PRKACB: variants seen among roughly 807,000 people sequenced by gnomAD.
PRKACB encodes protein kinase cAMP-activated catalytic subunit beta.
PRKACB carries 16 observed loss-of-function variants against 51.4 expected under a neutral mutation model. The ratio of observed to expected loss-of-function variants is 0.31; its 90% CI spans 0.21 to 0.47. PRKACB has a LOEUF of 0.47. Ranked by LOEUF, PRKACB falls within the 20% of genes least tolerant of loss-of-function variation. The pLI is 1.00. For synonymous variants in PRKACB, 147 were observed against 154.4 expected (o/e 0.95, Z 0.35); for missense variants, 309 against 464.5 (o/e 0.67, Z 3.08).
At chr1:84,157,257 A>G (rs999880682) in intron 1 of PRKACB, 1 of 152,164 alleles carries the variant, frequency 6.6e-6, no homozygotes, top group Non-Finnish European at 1.5e-5. Flanking sequence ...TTGTTAGATC[A>G]TTCCCCTGAG....
chr1:84,218,887 A>G (rs1348210309), intron 9 of PRKACB, among the ~76,000 whole-genome samples: 4 of 152,056 alleles, frequency 2.6e-5, no homozygotes, highest in African/African-American at 4.8e-5. Context: ...TTCCCTGATG[A>G]TTAATGGTGT....
At chr1:84,153,924 T>C (rs1445937267) in intron 1 of PRKACB, among the ~76,000 whole-genome samples, 1 of 152,202 alleles carries the variant, frequency 6.6e-6, no homozygotes, top group Non-Finnish European at 1.5e-5. Flanking sequence ...AGTTCATTTT[T>C]AATTTTTTGA....
At chr1:84,189,231 A>AGT (rs1200439430) in intron 5 of PRKACB, among the ~76,000 whole-genome samples, 2 of 151,832 alleles carry the variant, frequency 1.3e-5, no homozygotes, top group African/African-American at 4.8e-5. Flanking sequence ...AGGGTTATTG[A>AGT]GTGTACACTG....
At chr1:84,130,282 G>A (rs1226096516) in intron 1 of PRKACB, among the ~76,000 whole-genome samples, 4 of 149,280 alleles carry the variant, frequency 2.7e-5, no homozygotes, top group Non-Finnish European at 3.0e-5. Context: ...AAAAATCAAT[G>A]AAATTCCATT....
intron 9 of PRKACB, among the ~76,000 whole-genome samples, chr1:84,234,857 G>A (rs1676477827): frequency 6.6e-6 from 1 of 152,170 alleles, no homozygotes. Context: ...AGATGGAAAT[G>A]CAGAAATCAC....
chr1:84,211,876 T>C (rs1249884931), intron 8 of PRKACB, among the ~76,000 whole-genome samples: 1 of 152,136 alleles, frequency 6.6e-6, no homozygotes, highest in Non-Finnish European at 1.5e-5. Context: ...CTAGAGAAGG[T>C]AGAAGTTCAC....
At chr1:84,175,091 C>G in intron 1 of PRKACB, 1 of 1,393,232 alleles carries the variant, frequency 7.2e-7, no homozygotes, top group Non-Finnish European at 9.3e-7. Flanking sequence ...CAAATATTAC[C>G]TTTAAAATTT....
At chr1:84,154,058 C>A (rs113599963) in intron 1 of PRKACB, among the ~76,000 whole-genome samples, 1 of 152,032 alleles carries the variant, frequency 6.6e-6, no homozygotes, top group East Asian at 1.9e-4. Context: ...TTTATAATAG[C>A]CATTCTAACA....
chr1:84,173,260 G>A (rs1007296561), intron 1 of PRKACB: 96 of 1,257,198 alleles, frequency 7.6e-5, no homozygotes, highest in Non-Finnish European at 1.0e-4. Flanking sequence ...AACATGTATA[G>A]ATGGGTAACT....
chr1:84,108,966 C>G (rs554324990), intron 1 of PRKACB, among the ~76,000 whole-genome samples: 2 of 152,034 alleles, frequency 1.3e-5, no homozygotes, highest in African/African-American at 4.8e-5. Flanking sequence ...ATTACATTTG[C>G]CTCTTTTATA....
intron 1 of PRKACB, among the ~76,000 whole-genome samples, chr1:84,151,792 G>A (rs1301417608): frequency 6.6e-6 from 1 of 152,112 alleles, no homozygotes; most frequent in Non-Finnish European, 1.5e-5. Flanking sequence ...TAATTATCTT[G>A]TAATTTTTTA....
At chr1:84,190,674 C>T (rs534846273) in intron 5 of PRKACB, among the ~76,000 whole-genome samples, 73 of 152,156 alleles carry the variant, frequency 4.8e-4, no homozygotes, top group Non-Finnish European at 8.2e-4. Flanking sequence ...AACTCTCTGA[C>T]CAGGAAATCT....
intron 9 of PRKACB, among the ~76,000 whole-genome samples, chr1:84,222,089 T>C (rs1331059094): frequency 6.6e-6 from 1 of 152,174 alleles, no homozygotes; most frequent in Non-Finnish European, 1.5e-5. Flanking sequence ...AATATTTGCT[T>C]TCTATATCTG....
chr1:84,151,118 C>A (rs1654811453), intron 1 of PRKACB, among the ~76,000 whole-genome samples: 1 of 152,070 alleles, frequency 6.6e-6, no homozygotes. Context: ...TGTAGTCATA[C>A]CTCAGAGATA....
At chr1:84,078,975 C>G (rs553063946) in intron 1 of PRKACB, among the ~76,000 whole-genome samples, 1 of 152,322 alleles carries the variant, frequency 6.6e-6, no homozygotes, top group Admixed American at 6.5e-5. Flanking sequence ...TGCCTTTTCT[C>G]TAGACATTCA....
At chr1:84,202,076 A>T (rs1464539149) in intron 7 of PRKACB, among the ~76,000 whole-genome samples, 1 of 152,088 alleles carries the variant, frequency 6.6e-6, no homozygotes, top group African/African-American at 2.4e-5. Flanking sequence ...AAGACAGTAG[A>T]TAGCAGAAGT....
At chr1:84,145,858 T>C (rs1653982615) in intron 1 of PRKACB, among the ~76,000 whole-genome samples, 1 of 152,022 alleles carries the variant, frequency 6.6e-6, no homozygotes, top group South Asian at 2.1e-4. Context: ...AAATTATTTT[T>C]ATGCATTTCA....
At chr1:84,093,327 G>C (rs1648662642) in intron 1 of PRKACB, among the ~76,000 whole-genome samples, 1 of 151,794 alleles carries the variant, frequency 6.6e-6, no homozygotes, top group Non-Finnish European at 1.5e-5. Flanking sequence ...GGTGAGGTAG[G>C]AGTCATTTGT....
chr1:84,132,337 A>G (rs972966436), intron 1 of PRKACB, among the ~76,000 whole-genome samples: 1 of 152,220 alleles, frequency 6.6e-6, no homozygotes, highest in African/African-American at 2.4e-5. Flanking sequence ...TGAGACAAAC[A>G]TAAGGATACT....
Sources: gnomAD v4.1 joint callset for allele counts (sites outside exome capture counted in the v4.1 genomes callset) on GRCh38, gnomAD v4.1.1 for gene constraint, MANE v1.5 for transcripts, NCBI Gene and HGNC (gene_info 2026-07-23, HGNC 2026-07-21) for gene names.